ACBD3: variants seen among roughly 807,000 people sequenced by gnomAD.
The protein encoded by ACBD3 is Golgi resident protein GCP60.
Under a neutral mutation model 66.9 loss-of-function variants are expected in ACBD3, and 30 were observed. The observed-to-expected ratio is 0.45, with a 90% CI of 0.34 to 0.61. The LOEUF is 0.61. ACBD3 is among the 20% of genes least tolerant of loss of function. The probability of loss-of-function intolerance (pLI) is 0.02; values close to 1 mark genes in which losing one functional copy is unlikely to be tolerated. For missense variants in ACBD3, 544 were observed against 664.5 expected, an observed-to-expected ratio of 0.82 and a Z score of 1.99; for synonymous variants, 278 against 259.8, an observed-to-expected ratio of 1.07 and a Z score of -0.68.
At chr1:226,182,723 T>C (rs1363087305) in intron 1 of ACBD3, among the ~76,000 whole-genome samples, 1 of 152,216 alleles carries the variant, frequency 6.6e-6, no homozygotes, top group African/African-American at 2.4e-5. Context: ...CAAACAGACA[T>C]GCTTTGACTT....
chr1:226,168,661 T>C (rs192860261), intron 1 of ACBD3, among the ~76,000 whole-genome samples: 2 of 152,346 alleles, frequency 1.3e-5, no homozygotes, highest in Admixed American at 6.5e-5. Flanking sequence ...ATGCAACATA[T>C]AACTCAAGTA....
At chr1:226,169,539 G>A (rs1335531221) in intron 1 of ACBD3, among the ~76,000 whole-genome samples, 2 of 137,736 alleles carry the variant, frequency 1.5e-5, no homozygotes, top group African/African-American at 2.7e-5. Flanking sequence ...ATGAGCCACC[G>A]CGCCTGGACT....
At chr1:226,151,768 G>A (rs1466317679) in intron 7 of ACBD3, among the ~76,000 whole-genome samples, 1 of 152,196 alleles carries the variant, frequency 6.6e-6, no homozygotes, top group Non-Finnish European at 1.5e-5. Flanking sequence ...AGCACTTTGG[G>A]AGGCCGAGGC....
intron 1 of ACBD3, among the ~76,000 whole-genome samples, chr1:226,181,790 C>G (rs1265833058): frequency 1.3e-5 from 2 of 152,106 alleles, no homozygotes; most frequent in African/African-American, 4.8e-5. Context: ...AAGTCCACCC[C>G]AAAGAACTCT....
chr1:226,171,213 T>C (rs1033193742), intron 1 of ACBD3, among the ~76,000 whole-genome samples: 26 of 151,840 alleles, frequency 1.7e-4, no homozygotes, highest in Admixed American at 1.6e-3. Context: ...GGTGGCACAA[T>C]CTCGGCTCAC....
chr1:226,158,985 C>A (rs993320182), intron 5 of ACBD3, among the ~76,000 whole-genome samples, 199 bp downstream of exon 5: 2 of 152,242 alleles, frequency 1.3e-5, no homozygotes, highest in Non-Finnish European at 2.9e-5. Flanking sequence ...ATAACATCAT[C>A]GGTTGCTTCG....
intron 5 of ACBD3, among the ~76,000 whole-genome samples, chr1:226,158,628 T>C (rs1417609256): frequency 6.6e-6 from 1 of 152,216 alleles, no homozygotes; most frequent in East Asian, 1.9e-4. Context: ...CCCAGTCCCA[T>C]GTTCTTTCAC....
chr1:226,164,739 A>T lies in ACBD3; in HGVS notation c.569+50T>A, dbSNP rs762296205. 3.3e-6 allele frequency: 5 copies of T among 1,534,246 alleles called. No homozygotes were observed. The South Asian group carries it at 5.4e-5, about 16-fold the overall frequency. ...AGACACTCTACAAAACAAAAGCATC[A>T]GTACACTGGGCTGCGCAGCAATAAA... On this transcript the variant is annotated intron_variant, in intron 3 of 7. Transcript: ENST00000366812.
At chr1:226,184,138 C>A (rs1385380546) in intron 1 of ACBD3, among the ~76,000 whole-genome samples, 1 of 152,046 alleles carries the variant, frequency 6.6e-6, no homozygotes, top group South Asian at 2.1e-4. Context: ...TTGCAGTGAG[C>A]CCCGAGATGG....
chr1:226,172,155 C>CAA (rs779380166), intron 1 of ACBD3, among the ~76,000 whole-genome samples: 1,837 of 43,238 alleles, frequency 0.042, 111 homozygotes, highest in African/African-American at 0.12. Flanking sequence ...AACTCCATCT[C>CAA]AAAAAAAAAA....
In ACBD3 at chr1:226,164,828, G is replaced by T; in HGVS notation, c.530C>A (p.Ala177Glu). Residue 177 changes from alanine to glutamate, a missense_variant, in exon 3 of 8, where the codon GCG becomes GAG. This residue lies in a region of ACBD3 where 383 missense variants were observed against 462.4 expected (regional missense o/e 0.83). Coordinates refer to ENST00000366812, the MANE Select transcript of ACBD3 (RefSeq NM_022735.4). ...CTCTTCCTTCTCTATTTTGTGGGAC[G>T]CAACATATGTTGAAAAGAGATGGCA... ...RCCHLFSTYVASHKIEKEEQE... is the reference protein window; with the variant it reads ...RCCHLFSTYVESHKIEKEEQE... The T allele has an allele frequency of 6.2e-7, 1 of 1,609,774 alleles. No homozygotes were observed. The highest frequency in any genetic ancestry group is 1.7e-5 in the Admixed American group (1 of 59,388).
chr1:226,156,820 G>C (rs770124883), intron 5 of ACBD3, among the ~76,000 whole-genome samples: 1 of 152,130 alleles, frequency 6.6e-6, no homozygotes, highest in Non-Finnish European at 1.5e-5. Context: ...AACATTCACT[G>C]CATGACAGGA....
intron 5 of ACBD3, 102 bp downstream of exon 5, chr1:226,159,082 C>A: frequency 2.2e-6 from 3 of 1,356,218 alleles, no homozygotes; most frequent in Admixed American, 1.9e-5. Context: ...ACCTTAGAGG[C>A]TAACTAATGC....
chr1:226,177,326 T>C (rs1656062713), intron 1 of ACBD3, among the ~76,000 whole-genome samples: 1 of 151,088 alleles, frequency 6.6e-6, no homozygotes, highest in African/African-American at 2.4e-5. Flanking sequence ...GCCTCCCAAG[T>C]AGCTGGGACT....
intron 1 of ACBD3, among the ~76,000 whole-genome samples, chr1:226,169,786 C>A (rs1208262114): frequency 2.0e-5 from 3 of 151,110 alleles, no homozygotes; most frequent in African/African-American, 7.3e-5. Flanking sequence ...CTTTGGGAGG[C>A]CAAGGCAGAT....
At chr1:226,171,823 G>A (rs544836967) in intron 1 of ACBD3, among the ~76,000 whole-genome samples, 36 of 151,982 alleles carry the variant, frequency 2.4e-4, no homozygotes, top group Admixed American at 6.5e-4. Context: ...GATTACAGAC[G>A]TGAGCCACCG....
At chr1:226,167,698 T>C (rs1338445334) in intron 1 of ACBD3, among the ~76,000 whole-genome samples, 2 of 152,174 alleles carry the variant, frequency 1.3e-5, no homozygotes, top group Non-Finnish European at 2.9e-5. Flanking sequence ...CATATGCTAC[T>C]TATATGTCTC....
Position 226,186,424 on chromosome 1 carries a change from C to T in ACBD3, c.252G>A (p.Glu84=). The change falls in exon 1 of 8, where the codon GAG becomes GAA. Residue 84 remains glutamate (E), a synonymous_variant. Coordinates refer to ENST00000366812, the MANE Select transcript of ACBD3 (RefSeq NM_022735.4). ...AGCGCAGTGCCAGGCCGTACAACTC[C>T]TCCAGGCCGAAACCCCAGCGCTGCT... ...RLEQRWGFGL[E]ELYGLALRFF... 1.3e-6 allele frequency: 2 copies of T among 1,525,672 alleles called. No individual in the cohort carries two copies. The highest frequency in any genetic ancestry group is 1.8e-6 in the Non-Finnish European group (2 of 1,138,134). The allele number at this position is 1,525,672 out of a possible 1,614,324, so 94.5% of individuals were successfully genotyped here.
In ACBD3 at chr1:226,164,838, T is replaced by G; in HGVS notation, c.520A>C (p.Thr174Pro). ...TCTATTTTGTGGGACGCAACATATG[T>G]TGAAAAGAGATGGCAACACCTATTT... ...LLNRCCHLFS[T>P]YVASHKIEKE... Residue 174 changes from threonine (T) to proline (P), a missense_variant, in exon 3 of 8, where the codon ACA becomes CCA. Around this residue, in one of 3 missense-constraint regions of ACBD3, gnomAD observed 383 missense variants for 462.4 expected, o/e 0.83. Transcript: ENST00000366812. The G allele has an allele frequency of 6.2e-7, 1 of 1,611,886 alleles. No individual in the cohort carries two copies. Among genetic ancestry groups the G allele is most frequent in the Non-Finnish European group, 8.5e-7 (1 of 1,179,090 alleles).
Sources: allele counts gnomAD v4.1 joint callset (sites outside exome capture counted in the v4.1 genomes callset), GRCh38; gene constraint gnomAD v4.1.1; regional missense constraint gnomAD v4.1.1; transcripts MANE v1.5; gene names NCBI Gene and HGNC (gene_info 2026-07-23, HGNC 2026-07-21).